ZC4H2: variants seen among roughly 807,000 people sequenced by gnomAD.
ZC4H2 encodes zinc finger C4H2 domain-containing protein.
For missense variants in ZC4H2, 137 were observed against 173.9 expected, an observed-to-expected ratio of 0.79 and a Z score of 1.19; for synonymous variants, 84 against 66.3, an observed-to-expected ratio of 1.27 and a Z score of -1.30.
chrX:64,981,254 A>G (rs962246102), upstream of ZC4H2, among the ~76,000 whole-genome samples: 1 of 111,505 alleles, frequency 9.0e-6, no homozygotes, highest in African/African-American at 3.3e-5. Context: ...TCTAATTACA[A>G]TAGGCAAACA....
At chrX:65,010,643 G>A (rs1037646786) in intron 1 of ZC4H2, among the ~76,000 whole-genome samples, 3 of 111,636 alleles carry the variant, frequency 2.7e-5, no homozygotes, top group African/African-American at 9.8e-5. Flanking sequence ...CCTCTTACTG[G>A]AGCTCAGACG....
chrX:64,931,719 T>C (rs1827885334), intron 1 of ZC4H2, among the ~76,000 whole-genome samples: 1 of 111,979 alleles, frequency 8.9e-6, no homozygotes, highest in African/African-American at 3.2e-5. Flanking sequence ...GAGAAAATGC[T>C]TGATATAATT....
At chrX:65,027,704 C>T (rs1012235304) in intron 1 of ZC4H2, among the ~76,000 whole-genome samples, 2 of 111,583 alleles carry the variant, frequency 1.8e-5, no homozygotes, top group Non-Finnish European at 3.8e-5. Context: ...TTAGATCATA[C>T]TTTGCTTTGT....
intron 1 of ZC4H2, among the ~76,000 whole-genome samples, chrX:64,990,590 G>C (rs374281885): frequency 3.0e-4 from 34 of 111,692 alleles, no homozygotes; most frequent in African/African-American, 1.0e-3. Flanking sequence ...AAAATAACAA[G>C]TTACCTAAGA....
At chrX:64,919,812 A>C (rs1929102748) in intron 3 of ZC4H2, 1 of 311,135 alleles carries the variant, frequency 3.2e-6, no homozygotes, top group Non-Finnish European at 5.6e-6. Context: ...TCACACAAAG[A>C]ATTTAAAAAG....
chrX:65,019,643 A>C (rs1253085839), intron 1 of ZC4H2, among the ~76,000 whole-genome samples: 2 of 112,198 alleles, frequency 1.8e-5, no homozygotes, highest in Non-Finnish European at 3.8e-5. Context: ...AAAGGAACAC[A>C]ACTCCTCGCC....
At chrX:64,967,747 AG>A (rs1931639943) in intron 1 of ZC4H2, among the ~76,000 whole-genome samples, 1 of 112,316 alleles carries the variant, frequency 8.9e-6, no homozygotes, top group African/African-American at 3.2e-5. Flanking sequence ...GACTAGCACA[AG>A]GCACATAGTC....
At chrX:64,932,915 C>T (rs900715761) in intron 1 of ZC4H2, among the ~76,000 whole-genome samples, 1 of 111,523 alleles carries the variant, frequency 9.0e-6, no homozygotes, top group African/African-American at 3.3e-5. Context: ...TCTAGCAAGG[C>T]CAGGGAAGTT....
intron 1 of ZC4H2, among the ~76,000 whole-genome samples, chrX:65,031,918 C>T (rs1932938119): frequency 8.9e-6 from 1 of 112,296 alleles, no homozygotes; most frequent in South Asian, 3.7e-4. Context: ...TGGACTGTTG[C>T]AATATATAAG....
chrX:64,928,664 TTCTTC>T (rs1343798890), intron 1 of ZC4H2, among the ~76,000 whole-genome samples: 2 of 100,237 alleles, frequency 2.0e-5, no homozygotes, highest in African/African-American at 7.1e-5. Context: ...CTTCTTCTTC[TTCTTC>T]TTCTTCTTCT....
intron 1 of ZC4H2, among the ~76,000 whole-genome samples, chrX:65,023,958 G>C (rs1388195936): frequency 9.0e-6 from 1 of 111,385 alleles, no homozygotes; most frequent in African/African-American, 3.3e-5. Context: ...CCTTTGCAGG[G>C]ACACGGATGA....
intron 1 of ZC4H2, among the ~76,000 whole-genome samples, chrX:64,971,606 G>C (rs1931782332): frequency 9.0e-6 from 1 of 111,664 alleles, no homozygotes; most frequent in Non-Finnish European, 1.9e-5. Context: ...TAGATATAAA[G>C]CTGAGATTTA....
intron 1 of ZC4H2, among the ~76,000 whole-genome samples, chrX:65,010,842 G>A (rs1471450904): frequency 8.9e-6 from 1 of 111,835 alleles, no homozygotes; most frequent in Non-Finnish European, 1.9e-5. Context: ...ATAGGACATG[G>A]AGAGATTATT....
intron 1 of ZC4H2, among the ~76,000 whole-genome samples, chrX:65,021,834 T>C (rs1602459373): frequency 9.0e-6 from 1 of 110,805 alleles, no homozygotes; most frequent in African/African-American, 3.3e-5. Flanking sequence ...TATAAAATGA[T>C]AAAGGGGATA....
chrX:64,949,601 C>T (rs763230327), intron 1 of ZC4H2, among the ~76,000 whole-genome samples: 1 of 111,591 alleles, frequency 9.0e-6, no homozygotes, highest in African/African-American at 3.3e-5. Context: ...AAAAAATTAA[C>T]TTTCCTCAGG....
In ZC4H2 at chrX:64,954,371, T is replaced by A. The variant is rs1301931076; in HGVS notation, c.53+21954A>T. Among the ~76,000 whole-genome samples, 5 of 74,484 alleles carry A rather than the reference T, an allele frequency of 6.7e-5. No homozygotes were observed. In the South Asian group the frequency reaches 2.5e-3, roughly 38 times the overall value. 64.7% of individuals were successfully genotyped at this position (74,484 alleles called of 115,157 possible). On this transcript the variant is annotated intron_variant, in intron 1 of 4. Coordinates refer to ENST00000374839, the MANE Select transcript of ZC4H2 (RefSeq NM_018684.4). ...ATATATATAATTATATATATATATA[T>A]AATTATATATATTTATAATTATATA...
At chrX:64,922,590 C>A (rs1929252942) in intron 1 of ZC4H2, among the ~76,000 whole-genome samples, 1 of 112,368 alleles carries the variant, frequency 8.9e-6, no homozygotes, top group African/African-American at 3.2e-5. Flanking sequence ...ATTTAGTGGA[C>A]ATGGGCCAGA....
chrX:64,989,428 T>C (rs913340115), intron 1 of ZC4H2, among the ~76,000 whole-genome samples: 4 of 111,747 alleles, frequency 3.6e-5, no homozygotes, highest in Admixed American at 9.5e-5. Context: ...TTGAAGAGGT[T>C]CTTCACATCC....
At chrX:65,028,790 G>A (rs1173009939) in intron 1 of ZC4H2, among the ~76,000 whole-genome samples, 5 of 111,762 alleles carry the variant, frequency 4.5e-5, no homozygotes, top group Middle Eastern at 4.6e-3. Context: ...CCAAAGTGCT[G>A]AGATTACAGG....
Sources: gnomAD v4.1 joint callset for allele counts (sites outside exome capture counted in the v4.1 genomes callset) on GRCh38, gnomAD v4.1.1 for gene constraint, MANE v1.5 for transcripts, NCBI Gene and HGNC (gene_info 2026-07-23, HGNC 2026-07-21) for gene names.